The following KNTC1 variants were observed in gnomAD, a reference collection of about 807,000 sequenced individuals.
The protein encoded by KNTC1 is kinetochore-associated protein 1.
Under a neutral mutation model 314.4 loss-of-function variants are expected in KNTC1, and 253 were observed. The ratio of observed to expected loss-of-function variants is 0.80; its 90% CI spans 0.73 to 0.89. The LOEUF (loss-of-function observed/expected upper bound fraction) is 0.89. Among genes scored for constraint, KNTC1 ranks in the 40% least tolerant of loss-of-function variants. KNTC1 has a pLI of 0.00. For missense variants in KNTC1, 2,475 were observed against 2,572.9 expected (o/e 0.96, Z 0.82); for synonymous variants, 901 against 901.4 (o/e 1.00, Z 0.01).
At chr12:122,597,524 G>T in intron 43 of KNTC1, 1 of 516,884 alleles carries the variant, frequency 1.9e-6, no homozygotes, top group Non-Finnish European at 3.5e-6. Context: ...TGGGATTACA[G>T]GTGTGAGCCA....
chr12:122,565,252 TA>T (rs35980710), intron 20 of KNTC1, among the ~76,000 whole-genome samples: 1,646 of 131,776 alleles, frequency 0.012, 36 homozygotes, highest in African/African-American at 0.041. Context: ...TTTTTTTTTT[TA>T]AAAAAAAAAA....
chr12:122,552,819 G>T (rs1963295307), intron 16 of KNTC1, among the ~76,000 whole-genome samples: 1 of 152,128 alleles, frequency 6.6e-6, no homozygotes, highest in Non-Finnish European at 1.5e-5. Flanking sequence ...CTGAACCAGG[G>T]CAATGAAGTA....
intron 13 of KNTC1, among the ~76,000 whole-genome samples, chr12:122,550,297 A>G (rs1593516857): frequency 6.6e-6 from 1 of 152,134 alleles, no homozygotes; most frequent in East Asian, 1.9e-4. Flanking sequence ...GTCACGCCTA[A>G]ATCTTCAGCA....
chr12:122,534,833 A>G (rs1161073259), intron 3 of KNTC1, 49 bp downstream of exon 3: 25 of 1,564,512 alleles, frequency 1.6e-5, no homozygotes, highest in Non-Finnish European at 2.0e-5. Context: ...AGTCAAATAC[A>G]TCTGCTGCCA....
intron 54 of KNTC1, 37 bp downstream of exon 54, chr12:122,613,267 A>G (rs1251093893): frequency 7.4e-7 from 1 of 1,344,522 alleles, no homozygotes; most frequent in African/African-American, 1.5e-5. Flanking sequence ...AAGAAATAGG[A>G]AACAGATCAT....
chr12:122,621,839 T>C (rs750305763), intron 60 of KNTC1, 42 bp from the exon 61 acceptor site: 10 of 1,314,310 alleles, frequency 7.6e-6, no homozygotes, highest in Non-Finnish European at 1.1e-5. Flanking sequence ...TTGGAATAAA[T>C]AATAACAATT....
At position 122,584,813 on chromosome 12, in the gene KNTC1, T is replaced by C. The variant is rs1051352888; in HGVS notation, c.3437-80T>C. On this transcript the variant is annotated intron_variant, in intron 35 of 63. Coordinates refer to ENST00000333479, the MANE Select transcript of KNTC1 (RefSeq NM_014708.6). ...TTGTGGCCTTCCTTAGAATTTTAAA[T>C]GGTAATTATTAAAAGGTTGTTTTCA... 2.2e-5 allele frequency: 16 copies of C among 741,476 alleles called. No homozygotes were observed. In the East Asian group the frequency reaches 2.7e-4, roughly 13 times the overall value. 45.9% of individuals were successfully genotyped at this position (741,476 alleles called of 1,614,324 possible).
rs1432506693 is a variant in KNTC1, at chr12:122,577,780, C to G, written c.2830C>G (p.His944Asp). 6.2e-7 allele frequency: 1 copy of G among 1,610,776 alleles called. No homozygotes were observed. Among genetic ancestry groups the G allele is most frequent in the Non-Finnish European group, 8.5e-7 (1 of 1,178,878 alleles). Residue 944 changes from histidine to aspartate, a missense_variant, in exon 31 of 64, where the codon CAT (histidine) becomes GAT (aspartate). Physicochemically the swap from His to Asp is moderately conservative, Grantham distance 81 (BLOSUM62 -1). Coordinates refer to ENST00000333479, the MANE Select transcript of KNTC1 (RefSeq NM_014708.6). ...ARLALQEEPD[H>D]SKEGKAWRMS... ...ACTGGCATTACAAGAAGAGCCAGATCATTCTAAAGAGGTGACATTTTCACT... is the reference window on the plus strand; with the variant it reads ...ACTGGCATTACAAGAAGAGCCAGATGATTCTAAAGAGGTGACATTTTCACT...
chr12:122,605,765 C>G (rs1300695970), intron 51 of KNTC1, among the ~76,000 whole-genome samples: 1 of 151,898 alleles, frequency 6.6e-6, no homozygotes, highest in South Asian at 2.1e-4. Context: ...AGACTAGCCT[C>G]GAACTCCTGA....
At position 122,547,988 on chromosome 12, in the gene KNTC1, T is replaced by C; in HGVS notation, c.987+19T>C. 6.7e-7 allele frequency: 1 copy of C among 1,495,802 alleles called. No individual in the cohort carries two copies. The highest frequency in any genetic ancestry group is 9.0e-7 in the Non-Finnish European group (1 of 1,110,156). 92.7% of individuals were successfully genotyped at this position (1,495,802 alleles called of 1,614,324 possible). A position where few individuals can be genotyped will look rare whatever the true frequency, so the allele number is the denominator to read the frequency against. On this transcript the variant is annotated intron_variant, in intron 12 of 63. Coordinates refer to ENST00000333479, the MANE Select transcript of KNTC1 (RefSeq NM_014708.6). ...TAAGAAGGTATTGGAAAATTTTATT[T>C]TGTGCTTGCCTATATTATGTGTTAG...
chr12:122,597,908 G>C lies in KNTC1; in HGVS notation c.4533G>C (p.Leu1511Phe), dbSNP rs186936079. ...MVPLLTSTKDLVISLSGILHK... is the reference protein window; with the variant it reads ...MVPLLTSTKDFVISLSGILHK... ...CTTTACTGACGAGCACAAAAGATTT[G>C]GTCATCAGTCTTAGTGGAATACTAC... Residue 1511 changes from leucine to phenylalanine, a missense_variant, in exon 44 of 64, where the codon TTG (leucine) becomes TTC (phenylalanine). Coordinates refer to ENST00000333479, the MANE Select transcript of KNTC1 (RefSeq NM_014708.6). The C allele has an allele frequency of 1.6e-4, 259 of 1,613,970 alleles. 2 individuals carry two copies. The East Asian group carries it at 5.0e-3, about 31-fold the overall frequency.
rs7960847 is a variant in KNTC1, at chr12:122,604,785, G to A, written c.5176-92G>A. 8,230 of 1,318,278 alleles carry A rather than the reference G, an allele frequency of 6.2e-3. 165 individuals are homozygous for A. Among genetic ancestry groups the A allele is most frequent in the African/African-American group, 0.06 (4,119 of 68,360 alleles). 81.7% of individuals were successfully genotyped at this position (1,318,278 alleles called of 1,614,324 possible). A position where few individuals can be genotyped will look rare whatever the true frequency, so the allele number is the denominator to read the frequency against. ...ATGCTTAGGAACATAACTGAGGAAG[G>A]GGGGAGGGATTGTGATTGATAAAGA... On this transcript the variant is annotated intron_variant, in intron 49 of 63. Transcript: ENST00000333479.
intron 7 of KNTC1, 85 bp from the exon 8 acceptor site, chr12:122,544,074 A>G: frequency 1.7e-6 from 1 of 586,894 alleles, no homozygotes. Flanking sequence ...AAAATTTATA[A>G]CTGATTGATA....
chr12:122,625,912 G>T (rs1367314085), intron 63 of KNTC1, among the ~76,000 whole-genome samples: 3 of 152,080 alleles, frequency 2.0e-5, no homozygotes, highest in Non-Finnish European at 4.4e-5. Context: ...TCCAGATCAG[G>T]CATATTAGAA....
intron 48 of KNTC1, 48 bp downstream of exon 48, chr12:122,603,291 C>A: frequency 9.1e-7 from 1 of 1,103,110 alleles, no homozygotes; most frequent in Non-Finnish European, 1.3e-6. Flanking sequence ...AAAAAAAGTA[C>A]TCTTTTTGCA....
chr12:122,547,644 G>GTGTTGTT, intron 11 of KNTC1, 114 bp downstream of exon 11: 1 of 738,670 alleles, frequency 1.4e-6, no homozygotes, highest in Non-Finnish European at 2.2e-6. Flanking sequence ...CTGTGAAACA[G>GTGTTGTT]TCTGACAGAG....
At chr12:122,597,450 T>C in intron 43 of KNTC1, 1 of 354,626 alleles carries the variant, frequency 2.8e-6, no homozygotes, top group Admixed American at 4.0e-5. Flanking sequence ...GGTTTCACTA[T>C]GTTGGCCAGG....
chr12:122,560,519 T>G (rs973811929), intron 18 of KNTC1, among the ~76,000 whole-genome samples: 1 of 152,100 alleles, frequency 6.6e-6, no homozygotes, highest in Non-Finnish European at 1.5e-5. Context: ...ATTACAGACA[T>G]GTGCCTCCAC....
rs751777356 is a variant in KNTC1 at position 122,551,574 on chromosome 12, T to G, written c.1197-47T>G. 16 of 1,601,396 alleles carry G rather than the reference T, an allele frequency of 1.0e-5. 1 individual carries two copies. In the South Asian group the frequency reaches 1.7e-4, roughly 17 times the overall value. ...TTATCCTTTAGTGAATAACTTAAAT[T>G]CCCTGAATAATAAGCATTTAACAAA... is the stretch of plus-strand genomic sequence containing the variant. On this transcript the variant is annotated intron_variant, in intron 15 of 63. Transcript: ENST00000333479.
Sources: allele counts gnomAD v4.1 joint callset (sites outside exome capture counted in the v4.1 genomes callset), GRCh38; gene constraint gnomAD v4.1.1; transcripts MANE v1.5; gene names NCBI Gene and HGNC (gene_info 2026-07-23, HGNC 2026-07-21).